The following PCDHGB7 variants were observed in gnomAD, a reference collection of about 807,000 sequenced individuals.
The protein encoded by PCDHGB7 is protocadherin gamma-B7.
In PCDHGB7, 37 loss-of-function variants were observed where a neutral mutation model predicts 61.4. That is an observed-to-expected ratio of 0.60 (90% CI 0.46 to 0.79). The LOEUF (loss-of-function observed/expected upper bound fraction) is 0.79. PCDHGB7 is among the 30% of genes least tolerant of loss of function. The pLI is 0.00. For missense variants in PCDHGB7, 1,166 were observed against 1,202.5 expected (o/e 0.97, Z 0.45); for synonymous variants, 464 against 503.5 (o/e 0.92, Z 1.05).
chr5:141,486,391 C>T lies in PCDHGB7; in HGVS notation c.2416-8416C>T. The T allele has an allele frequency of 6.2e-7, 1 of 1,614,112 alleles. No individual in the cohort carries two copies. The highest frequency in any genetic ancestry group is 8.5e-7 in the Non-Finnish European group (1 of 1,179,984). Reference sequence around the variant, plus strand: ...AGTCTGCCTTCAGGAACCAGTTCTCCCTGGTGACTGCTGGACCCTTGGATC... The same window carrying T: ...AGTCTGCCTTCAGGAACCAGTTCTCTCTGGTGACTGCTGGACCCTTGGATC... On this transcript the variant is annotated intron_variant, in intron 1 of 3. Transcript: ENST00000398594. The surrounding 1 kb of genome is among the most constrained non-coding windows in gnomAD (Gnocchi z 5.0).
Position 141,432,812 on chromosome 5 carries a change from G to A in PCDHGB7, c.2415+12538G>A, listed in dbSNP as rs753429933. ...CAGCCTCGAGTCTCCAGCTAACTCT[G>A]AAACCTCAGACCTCACTCTGTACCT... On this transcript the variant is annotated intron_variant, in intron 1 of 3. Coordinates refer to ENST00000398594, the MANE Select transcript of PCDHGB7 (RefSeq NM_018927.4). This position sits in a 1 kb window ranked among gnomAD's most constrained non-coding sequence, Gnocchi z 6.0. 1.2e-6 allele frequency: 2 copies of A among 1,614,176 alleles called. No homozygotes were observed. Among genetic ancestry groups the A allele is most frequent in the Non-Finnish European group, 1.7e-6 (2 of 1,180,014 alleles).
Position 141,511,345 on chromosome 5 carries a change from TC to T in PCDHGB7, c.*179del, listed in dbSNP as rs535135679. On this transcript the variant is annotated 3_prime_UTR_variant, in exon 4 of 4. Coordinates refer to ENST00000398594, the MANE Select transcript of PCDHGB7 (RefSeq NM_018927.4). ...AAGTGCCCAGTCAGCACCTACCCCTTCCCCCCCAGGGGGTTGAATATGCAAA... is the reference window on the plus strand; with the variant it reads ...AAGTGCCCAGTCAGCACCTACCCCTTCCCCCCAGGGGGTTGAATATGCAAA... The T allele has an allele frequency of 2.2e-5, 31 of 1,410,342 alleles. No individual in the cohort carries two copies. Among genetic ancestry groups the T allele is most frequent in the South Asian group, 2.9e-5 (2 of 68,200 alleles). 87.4% of individuals were successfully genotyped at this position (1,410,342 alleles called of 1,614,324 possible). A position where few individuals can be genotyped will look rare whatever the true frequency, so the allele number is the denominator to read the frequency against.
intron 1 of PCDHGB7, chr5:141,478,743 A>G: frequency 6.5e-7 from 1 of 1,528,732 alleles, no homozygotes; most frequent in Non-Finnish European, 8.8e-7. Context: ...TTGTGGTCCC[A>G]TTTCAGGGGG....
chr5:141,429,960 A>C (rs981722031), intron 1 of PCDHGB7, among the ~76,000 whole-genome samples: 2 of 152,244 alleles, frequency 1.3e-5, no homozygotes, highest in African/African-American at 4.8e-5. Flanking sequence ...AGTCAATGCA[A>C]GTTGGAATGC....
At position 141,505,413 on chromosome 5, in the gene PCDHGB7, C is replaced by A; in HGVS notation, c.2495C>A (p.Thr832Asn). ...CCCAGCTCCCAAAATGGCGATGACACCGGCACCTGGCCCAACAACCAGTTT... is the reference window on the plus strand; with the variant it reads ...CCCAGCTCCCAAAATGGCGATGACAACGGCACCTGGCCCAACAACCAGTTT... ...GTSGSQNGDD[T>N]GTWPNNQFDT... Residue 832 changes from threonine to asparagine, a missense_variant, in exon 3 of 4, where the codon ACC becomes AAC. Physicochemically the swap from Thr to Asn is moderately conservative, Grantham distance 65 (BLOSUM62 0). Coordinates refer to ENST00000398594, the MANE Select transcript of PCDHGB7 (RefSeq NM_018927.4). 1 of 1,614,202 alleles carries A rather than the reference C, an allele frequency of 6.2e-7. No homozygotes were observed. Among genetic ancestry groups the A allele is most frequent in the Non-Finnish European group, 8.5e-7 (1 of 1,180,046 alleles).
rs115565444 is a variant in PCDHGB7 at position 141,487,520 on chromosome 5, G to C, written c.2416-7287G>C. 1 of 1,614,166 alleles carries C rather than the reference G, an allele frequency of 6.2e-7. No individual in the cohort carries two copies. Among genetic ancestry groups the C allele is most frequent in the Non-Finnish European group, 8.5e-7 (1 of 1,180,042 alleles). ...CTTGGCTTCTGCACCCACTCGGAGT[G>C]ATAGCTTCATGATGGTGAAGTCACC... On this transcript the variant is annotated intron_variant, in intron 1 of 3. Coordinates refer to ENST00000398594, the MANE Select transcript of PCDHGB7 (RefSeq NM_018927.4). The surrounding 1 kb of genome is among the most constrained non-coding windows in gnomAD (Gnocchi z 5.0).
rs2099811015 is a variant in PCDHGB7 at position 141,501,774 on chromosome 5, G to GTC, written c.2475-3612_2475-3611dup. ...CTCTCAGTAAATGGTTAAAAAAGAG[G>GTC]TCTCTCTCCCTCTGCTCATCTCTTA... is the stretch of plus-strand genomic sequence containing the variant. On this transcript the variant is annotated intron_variant, in intron 2 of 3. Coordinates refer to ENST00000398594, the MANE Select transcript of PCDHGB7 (RefSeq NM_018927.4). Among the ~76,000 whole-genome samples, 3 of 152,062 alleles carry GTC rather than the reference G, an allele frequency of 2.0e-5. No homozygotes were observed. In the South Asian group the frequency reaches 6.2e-4, roughly 32 times the overall value.
intron 1 of PCDHGB7, among the ~76,000 whole-genome samples, chr5:141,444,241 G>A (rs1302797543): frequency 3.1e-5 from 4 of 130,308 alleles, no homozygotes; most frequent in Admixed American, 1.9e-4. Flanking sequence ...GCATGCTCTC[G>A]GCTCACTGCA....
intron 1 of PCDHGB7, among the ~76,000 whole-genome samples, chr5:141,492,882 C>G (rs2099744816): frequency 6.6e-6 from 1 of 152,218 alleles, no homozygotes; most frequent in Admixed American, 6.5e-5. Context: ...CCCAGAGATA[C>G]AGGCTTTTGG....
chr5:141,422,519 C>G, intron 1 of PCDHGB7: 1 of 1,613,968 alleles, frequency 6.2e-7, no homozygotes, highest in Non-Finnish European at 8.5e-7. Flanking sequence ...CAGGGAAGCC[C>G]GCCTTTGTCT....
Position 141,430,658 on chromosome 5 carries a change from G to A in PCDHGB7, c.2415+10384G>A, listed in dbSNP as rs1350572230. ...CCTGGGAGTATGTGGAAACAACGGA[G>A]GAGCTCTGACTTCCCAACTGTCCCA... On this transcript the variant is annotated intron_variant, in intron 1 of 3. Coordinates refer to ENST00000398594, the MANE Select transcript of PCDHGB7 (RefSeq NM_018927.4). The A allele has an allele frequency of 7.2e-6, 8 of 1,105,688 alleles. No individual in the cohort carries two copies. The African/African-American group carries it at 9.5e-5, about 13-fold the overall frequency. The allele number at this position is 1,105,688 out of a possible 1,614,324, so 68.5% of individuals were successfully genotyped here. A position where few individuals can be genotyped will look rare whatever the true frequency, so the allele number is the denominator to read the frequency against.
At position 141,418,563 on chromosome 5, in the gene PCDHGB7, C is replaced by A. The variant is rs2096269554; in HGVS notation, c.704C>A (p.Ala235Asp). ...CAGATAAGAATCCTGGTAATAGATG[C>A]CAATGACAACCCCCCAGTGTTCAGC... ...TAQIRILVID[A>D]NDNPPVFSQD... The change falls in exon 1 of 4, where the codon GCC becomes GAC. Residue 235 changes from alanine (A) to aspartate (D), a missense_variant. By Grantham distance (126) the Ala-to-Asp change is moderately radical. Transcript: ENST00000398594. The A allele has an allele frequency of 1.2e-6, 2 of 1,613,998 alleles. No homozygotes were observed. Among genetic ancestry groups the A allele is most frequent in the Non-Finnish European group, 1.7e-6 (2 of 1,179,888 alleles).
rs181397365 is a variant in PCDHGB7, at chr5:141,481,810, G to A, written c.2416-12997G>A. Among the ~76,000 whole-genome samples, 99 of 151,944 alleles carry A rather than the reference G, an allele frequency of 6.5e-4. 1 individual carries two copies. The highest frequency in any genetic ancestry group is 2.4e-3 in the African/African-American group (98 of 41,418). On this transcript the variant is annotated intron_variant, in intron 1 of 3. Transcript: ENST00000398594. ...CTACTAAAAATACAAAAATTCACCA[G>A]GCGTGGTGGCTGAGGCAGGAGAATC...
Position 141,419,208 on chromosome 5 carries a change from C to T in PCDHGB7, c.1349C>T (p.Pro450Leu). Residue 450 changes from proline to leucine, a missense_variant, in exon 1 of 4, where the codon CCG becomes CTG. Physicochemically the swap from Pro to Leu is moderately conservative, Grantham distance 98 (BLOSUM62 -3). Transcript: ENST00000398594. Reference sequence around the variant, plus strand: ...ATTACTGACGTCAATGACAACGCGCCGGTTTTCGGACAGTCAGCCTACCTG... The same window carrying T: ...ATTACTGACGTCAATGACAACGCGCTGGTTTTCGGACAGTCAGCCTACCTG... ...LHITDVNDNA[P>L]VFGQSAYLVH... 6.2e-7 allele frequency: 1 copy of T among 1,613,966 alleles called. No individual in the cohort carries two copies. The highest frequency in any genetic ancestry group is 8.5e-7 in the Non-Finnish European group (1 of 1,179,884).
At position 141,489,063 on chromosome 5, in the gene PCDHGB7, C is replaced by A; in HGVS notation, c.2416-5744C>A. ...CTCCACTCAAATTCAGCTCCCCTCC[C>A]CCCTGCCCACCCCCGCCACTCGGTG... On this transcript the variant is annotated intron_variant, in intron 1 of 3. Coordinates refer to ENST00000398594, the MANE Select transcript of PCDHGB7 (RefSeq NM_018927.4). This position sits in a 1 kb window ranked among gnomAD's most constrained non-coding sequence, Gnocchi z 4.5. 2.6e-6 allele frequency: 1 copy of A among 384,986 alleles called. No individual in the cohort carries two copies. Among genetic ancestry groups the A allele is most frequent in the East Asian group, 4.5e-5 (1 of 22,374 alleles). 23.8% of individuals were successfully genotyped at this position (384,986 alleles called of 1,614,324 possible). A position where few individuals can be genotyped will look rare whatever the true frequency, so the allele number is the denominator to read the frequency against.
rs1457793463 is a variant in PCDHGB7, at chr5:141,418,912, ACT to A, written c.1058_1059del (p.Ser353Ter). Reference sequence around the variant, plus strand: ...ACAGCCCAGAAATAATCATCACGTCACTCTCTGATCAGATTATGGAGGATTCC... The same window carrying A: ...ACAGCCCAGAAATAATCATCACGTCACTCTGATCAGATTATGGAGGATTCC... ...DNSPEIIITS[L>X]SDQIMEDSPP... On this transcript the variant is annotated frameshift_variant, in exon 1 of 4. Coordinates refer to ENST00000398594, the MANE Select transcript of PCDHGB7 (RefSeq NM_018927.4). LOFTEE classifies it high-confidence loss of function. The A allele has an allele frequency of 1.2e-6, 2 of 1,613,770 alleles. No homozygotes were observed. The highest frequency in any genetic ancestry group is 1.7e-6 in the Non-Finnish European group (2 of 1,179,782).
Position 141,481,770 on chromosome 5 carries a change from G to T in PCDHGB7, c.2416-13037G>T, listed in dbSNP as rs188953511. 6.1e-3 allele frequency among the ~76,000 whole-genome samples: 929 copies of T among 152,184 alleles called. 10 individuals are homozygous for T. Among genetic ancestry groups the T allele is most frequent in the African/African-American group, 0.022 (895 of 41,516 alleles). On this transcript the variant is annotated intron_variant, in intron 1 of 3. Coordinates refer to ENST00000398594, the MANE Select transcript of PCDHGB7 (RefSeq NM_018927.4). ...AGTCCAAGACCAGCCTGGCCAACAT[G>T]GTGAAACCCCGTCTCTACTAAAAAT... is the stretch of plus-strand genomic sequence containing the variant.
At chr5:141,421,844 A>C (rs1261967247) in intron 1 of PCDHGB7, 2 of 1,613,740 alleles carry the variant, frequency 1.2e-6, no homozygotes, top group East Asian at 4.5e-5. Context: ...CGAGAGAAAG[A>C]GGCTGCTCAC....
In PCDHGB7 at chr5:141,477,080, A is replaced by G; in HGVS notation, c.2416-17727A>G. 1.9e-6 allele frequency: 3 copies of G among 1,614,254 alleles called. No homozygotes were observed. The highest frequency in any genetic ancestry group is 2.5e-6 in the Non-Finnish European group (3 of 1,180,042). ...GGACACCAAACTCCATGAGATTTAC[A>G]TCCAGGCCAAAGACAAGGGCGCCAA... On this transcript the variant is annotated intron_variant, in intron 1 of 3. Coordinates refer to ENST00000398594, the MANE Select transcript of PCDHGB7 (RefSeq NM_018927.4). The surrounding 1 kb of genome is among the most constrained non-coding windows in gnomAD (Gnocchi z 4.9).
Sources: allele counts gnomAD v4.1 joint callset (sites outside exome capture counted in the v4.1 genomes callset), GRCh38; gene constraint gnomAD v4.1.1; non-coding constraint Gnocchi (gnomAD v3.1); transcripts MANE v1.5; gene names NCBI Gene and HGNC (gene_info 2026-07-23, HGNC 2026-07-21).